The following PABIR3 variants were observed in gnomAD, a reference collection of about 807,000 sequenced individuals.
PABIR3 encodes PABIR family member 1.
In PABIR3, 20 loss-of-function variants were observed where a neutral mutation model predicts 23.1. The ratio of observed to expected loss-of-function variants is 0.86; its 90% CI spans 0.61 to 1.26. The LOEUF (loss-of-function observed/expected upper bound fraction) is 1.26, where lower values mean the gene tolerates loss of function less well. Ranked by LOEUF, PABIR3 falls within the 50% of genes most tolerant of loss-of-function variation. The pLI, the probability that PABIR3 is intolerant of heterozygous loss-of-function variation, is 0.00. For synonymous variants in PABIR3, 69 were observed against 68.5 expected (o/e 1.01, Z -0.04); for missense variants, 189 against 195.4 (o/e 0.97, Z 0.20).
At chrX:134,797,243 G>T (rs1052158532) in intron 1 of PABIR3, 8 of 113,851 alleles carry the variant, frequency 7.0e-5, no homozygotes, top group African/African-American at 2.5e-4. Context: ...GGGCCCGCGG[G>T]CACGGAGCGT....
chrX:134,822,865 C>T (rs900279490), intron 3 of PABIR3: 2 of 124,559 alleles, frequency 1.6e-5, no homozygotes, highest in African/African-American at 3.2e-5. Context: ...AGGCCAGGCG[C>T]GGTGGCTCAC....
chrX:134,826,748 T>C (rs780640081), intron 3 of PABIR3, among the ~76,000 whole-genome samples: 23 of 111,638 alleles, frequency 2.1e-4, no homozygotes, highest in Non-Finnish European at 4.3e-4. Flanking sequence ...TTTCTATTGT[T>C]ATTTTTACAA....
At chrX:134,820,663 A>G (rs770788157) in intron 3 of PABIR3, among the ~76,000 whole-genome samples, 1 of 111,919 alleles carries the variant, frequency 8.9e-6, no homozygotes, top group Non-Finnish European at 1.9e-5. Context: ...TAAGATGGTA[A>G]GTTTCACGTT....
At chrX:134,845,461 C>T (rs770293743) in intron 6 of PABIR3, 60 bp downstream of exon 6, 17 of 901,092 alleles carry the variant, frequency 1.9e-5, no homozygotes, top group Admixed American at 6.4e-5. Context: ...CTTACAGTGT[C>T]GGCATATCTA....
chrX:134,833,824 A>G (rs1376100342), intron 4 of PABIR3, among the ~76,000 whole-genome samples: 1 of 111,538 alleles, frequency 9.0e-6, no homozygotes, highest in East Asian at 2.8e-4. Context: ...AGCTTCATTC[A>G]TGTCCCTGCA....
At chrX:134,824,222 A>G (rs1470165547) in intron 3 of PABIR3, among the ~76,000 whole-genome samples, 1 of 111,927 alleles carries the variant, frequency 8.9e-6, no homozygotes, top group African/African-American at 3.2e-5. Context: ...CCCCTTGGAC[A>G]AGTTGCTTAA....
intron 1 of PABIR3, chrX:134,800,019 G>A (rs1015782373): frequency 9.1e-6 from 1 of 109,571 alleles, no homozygotes; most frequent in Non-Finnish European, 1.9e-5. Context: ...CCGGCCGGAT[G>A]CAGTGGCTCA....
upstream of PABIR3, among the ~76,000 whole-genome samples, chrX:134,802,546 C>T (rs2080094760): frequency 2.7e-5 from 3 of 112,312 alleles, no homozygotes; most frequent in South Asian, 1.1e-3. Flanking sequence ...AGACTCACTG[C>T]TCTGAGGCTG....
At position 134,833,482 on chromosome X, in the gene PABIR3, C is replaced by T. The variant is rs147643402; in HGVS notation, c.246+4200C>T. Among the ~76,000 whole-genome samples, 12 of 112,133 alleles carry T rather than the reference C, an allele frequency of 1.1e-4. No homozygotes were observed. The East Asian group carries it at 3.4e-3, about 31-fold the overall frequency. The stretch of plus-strand genomic sequence containing the variant: ...ATGCATTTTTTAACTGATCCAAACA[C>T]AATCCAAATATGACATTTAGTTGAT... On this transcript the variant is annotated intron_variant, in intron 4 of 10. Transcript: ENST00000645433.
upstream of PABIR3, chrX:134,796,552 G>A (rs1322237329): frequency 2.2e-5 from 3 of 133,525 alleles, no homozygotes; most frequent in Admixed American, 2.6e-4. Context: ...AAGGATAGGT[G>A]GAAAAGCAGG....
chrX:134,846,481 T>C lies in PABIR3; in HGVS notation c.346-902T>C, dbSNP rs1484602158. Among the ~76,000 whole-genome samples, 3 of 112,377 alleles carry C rather than the reference T, an allele frequency of 2.7e-5. No individual in the cohort carries two copies. The Admixed American group carries it at 2.9e-4, about 11-fold the overall frequency. On this transcript the variant is annotated intron_variant, in intron 6 of 10. Transcript: ENST00000645433. ...TTACCTAGTTGTGGTAGCTGAATGA[T>C]ATTTAGTGTTCTTTTCTATGGACAT... is the stretch of plus-strand genomic sequence containing the variant.
chrX:134,857,997 AAAT>A (rs933300840), downstream of PABIR3, among the ~76,000 whole-genome samples: 1 of 111,520 alleles, frequency 9.0e-6, no homozygotes, highest in African/African-American at 3.2e-5. Flanking sequence ...CTAAATACAA[AAAT>A]AATGATACAA....
At chrX:134,807,763 A>G (rs1265699043) in intron 2 of PABIR3, 55 bp downstream of exon 2, 1 of 1,067,004 alleles carries the variant, frequency 9.4e-7, no homozygotes. Context: ...GGTGTTCGGG[A>G]AAGTGATTTC....
chrX:134,845,202 C>T lies in PABIR3; in HGVS notation c.247-3C>T, dbSNP rs777210519. 7.2e-5 allele frequency: 85 copies of T among 1,187,242 alleles called. No homozygotes were observed. Among genetic ancestry groups the T allele is most frequent in the Non-Finnish European group, 9.6e-5 (85 of 881,200 alleles). On this transcript the variant is annotated splice_polypyrimidine_tract_variant and splice_region_variant and intron_variant, in intron 4 of 10. Transcript: ENST00000645433. ...GTTTATTCTCATTTTCCTACCTTTA[C>T]AGGAAGAAGCCATGGATTTAATAAA...
intron 2 of PABIR3, chrX:134,809,398 C>CTTG (rs974304619): frequency 7.6e-6 from 3 of 392,799 alleles, no homozygotes; most frequent in African/African-American, 5.7e-5. Flanking sequence ...ATCTCCTGAC[C>CTTG]TTGTGATCCG....
chrX:134,851,278 G>A (rs2082623140), intron 9 of PABIR3, among the ~76,000 whole-genome samples: 1 of 111,730 alleles, frequency 9.0e-6, no homozygotes, highest in South Asian at 3.7e-4. Context: ...GCTCATGCCT[G>A]TAATCCCAGC....
chrX:134,831,752 A>G (rs897134706), intron 4 of PABIR3: 6 of 111,818 alleles, frequency 5.4e-5, no homozygotes, highest in African/African-American at 1.9e-4. Context: ...AAACAATTCA[A>G]TTATCCTTTT....
intron 2 of PABIR3, among the ~76,000 whole-genome samples, chrX:134,812,641 A>G (rs2080739387): frequency 9.0e-6 from 1 of 111,428 alleles, no homozygotes; most frequent in Non-Finnish European, 1.9e-5. Context: ...GTGCTAGGGG[A>G]ATTCAAAGAA....
Position 134,807,652 on chromosome X carries a change from C to T in PABIR3, c.54C>T (p.Thr18=), listed in dbSNP as rs775830736. The T allele has an allele frequency of 4.1e-6, 5 of 1,207,609 alleles. No homozygotes were observed. In the Admixed American group the frequency reaches 8.8e-5, roughly 21 times the overall value. ...LGFKSLPSST[T]ADGNILRRVN... is the part of the protein sequence containing the mutation. ...TCAAGTCGCTGCCGAGTTCCACTAC[C>T]GCAGACGGCAACATTCTGAGAAGAG... Residue 18 remains threonine (T), a synonymous_variant, in exon 2 of 11, where the codon ACC becomes ACT. Coordinates refer to ENST00000645433, the MANE Select transcript of PABIR3 (RefSeq NM_001388447.1).
Sources: gnomAD v4.1 joint callset for allele counts (sites outside exome capture counted in the v4.1 genomes callset) on GRCh38, gnomAD v4.1.1 for gene constraint, MANE v1.5 for transcripts, NCBI Gene and HGNC (gene_info 2026-07-23, HGNC 2026-07-21) for gene names.